Variants in ASAP1 observed in about 807,000 individuals in gnomAD.
The protein encoded by ASAP1 is ArfGAP with SH3 domain, ankyrin repeat and PH domain 1, also known as arf-GAP with SH3 domain, ANK repeat and PH domain-containing protein 1.
Under a neutral mutation model 145.2 loss-of-function variants are expected in ASAP1, and 43 were observed. The observed-to-expected ratio is 0.30, with a 90% CI of 0.23 to 0.38. The LOEUF is 0.38. Ranked by LOEUF, ASAP1 falls within the 10% of genes least tolerant of loss-of-function variation. The pLI, the probability that ASAP1 is intolerant of heterozygous loss-of-function variation, is 1.00. For synonymous variants in ASAP1, 546 were observed against 515.5 expected (o/e 1.06, Z -0.80); for missense variants, 1,018 against 1,355.3 (o/e 0.75, Z 3.91).
chr8:130,162,214 T>C (rs1313392487), intron 11 of ASAP1, among the ~76,000 whole-genome samples: 1 of 152,240 alleles, frequency 6.6e-6, no homozygotes, highest in Non-Finnish European at 1.5e-5. Flanking sequence ...ACTGAGGGAC[T>C]GTACTAAATA....
chr8:130,072,904 AC>A (rs1439629692), intron 27 of ASAP1, among the ~76,000 whole-genome samples: 1 of 149,172 alleles, frequency 6.7e-6, no homozygotes, highest in Non-Finnish European at 1.5e-5. Flanking sequence ...CAGTGTCGGA[AC>A]TGAATTCGAG....
At chr8:130,161,678 A>G (rs1215676772) in intron 11 of ASAP1, among the ~76,000 whole-genome samples, 1 of 152,238 alleles carries the variant, frequency 6.6e-6, no homozygotes, top group Non-Finnish European at 1.5e-5. Context: ...ATAACTGGCC[A>G]GATTCCCTCC....
intron 9 of ASAP1, among the ~76,000 whole-genome samples, chr8:130,169,593 A>G (rs1047610233): frequency 2.0e-5 from 3 of 152,258 alleles, no homozygotes; most frequent in Non-Finnish European, 2.9e-5. Flanking sequence ...ATTCAAAGCA[A>G]TAATACCAAC....
At chr8:130,207,554 C>T (rs1194284033) in intron 5 of ASAP1, among the ~76,000 whole-genome samples, 1 of 152,026 alleles carries the variant, frequency 6.6e-6, no homozygotes, top group Non-Finnish European at 1.5e-5. Flanking sequence ...TAAATGAACA[C>T]AAGGAGGGAT....
chr8:130,413,876 A>G (rs549174449), intron 1 of ASAP1, among the ~76,000 whole-genome samples: 33 of 149,604 alleles, frequency 2.2e-4, no homozygotes, highest in Non-Finnish European at 4.3e-4. Context: ...TGCATCTTCT[A>G]TTTTGCCAGA....
At chr8:130,265,292 C>T (rs940785981) in intron 3 of ASAP1, among the ~76,000 whole-genome samples, 7 of 152,092 alleles carry the variant, frequency 4.6e-5, no homozygotes, top group Non-Finnish European at 7.4e-5. Flanking sequence ...AAAGATTGGC[C>T]GGGTGTGGTG....
chr8:130,071,164 A>G (rs969539635), intron 27 of ASAP1, among the ~76,000 whole-genome samples: 5 of 152,124 alleles, frequency 3.3e-5, no homozygotes, highest in Non-Finnish European at 5.9e-5. Context: ...TTTTTTAGCT[A>G]TGGGGTCTCA....
At chr8:130,171,887 G>A (rs2136107083) in intron 9 of ASAP1, among the ~76,000 whole-genome samples, 1 of 152,312 alleles carries the variant, frequency 6.6e-6, no homozygotes, top group South Asian at 2.1e-4. Flanking sequence ...TGGGTACAAA[G>A]TTAATCATAG....
chr8:130,091,311 C>T (rs545612517), intron 25 of ASAP1, among the ~76,000 whole-genome samples: 16 of 152,164 alleles, frequency 1.1e-4, no homozygotes, highest in African/African-American at 3.4e-4. Context: ...GAGGAAGCTG[C>T]GTTGGAGGGC....
intron 2 of ASAP1, among the ~76,000 whole-genome samples, chr8:130,393,486 T>G (rs1004514918): frequency 1.3e-5 from 2 of 152,200 alleles, no homozygotes; most frequent in Admixed American, 1.3e-4. Context: ...CCAAGCACAG[T>G]GGCTCATGCC....
At chr8:130,181,688 G>A (rs1237785253) in intron 7 of ASAP1, among the ~76,000 whole-genome samples, 1 of 152,172 alleles carries the variant, frequency 6.6e-6, no homozygotes, top group Non-Finnish European at 1.5e-5. Flanking sequence ...CAGGGGAAAC[G>A]AGGTGATAAA....
At chr8:130,433,684 T>C (rs1247914823) in intron 1 of ASAP1, among the ~76,000 whole-genome samples, 1 of 152,252 alleles carries the variant, frequency 6.6e-6, no homozygotes, top group Non-Finnish European at 1.5e-5. Context: ...ATTCACTCTT[T>C]CATGCTTCTT....
At chr8:130,107,374 A>G (rs1205240104) in intron 24 of ASAP1, among the ~76,000 whole-genome samples, 1 of 151,360 alleles carries the variant, frequency 6.6e-6, no homozygotes, top group African/African-American at 2.4e-5. Flanking sequence ...TTTAGTAGAG[A>G]CAGGGTTTTA....
At chr8:130,224,856 T>C (rs573314825) in intron 4 of ASAP1, among the ~76,000 whole-genome samples, 2 of 152,358 alleles carry the variant, frequency 1.3e-5, no homozygotes, top group South Asian at 4.1e-4. Flanking sequence ...AAAGCAGGAC[T>C]GCTGGGGGAT....
rs139713743 is a variant in ASAP1 at position 130,378,856 on chromosome 8, C to T, written c.60-20713G>A. ...AATAAATGTGCACACATATAACATG[C>T]CATGATCTGGGCAACTCACAGTCAC... is the stretch of plus-strand genomic sequence containing the variant. On this transcript the variant is annotated intron_variant, in intron 2 of 29. Transcript: ENST00000518721. Among the ~76,000 whole-genome samples the T allele has an allele frequency of 6.4e-3, 982 of 152,274 alleles. 9 individuals are homozygous for T. Among genetic ancestry groups the T allele is most frequent in the African/African-American group, 0.023 (943 of 41,536 alleles).
chr8:130,095,324 G>A (rs1189526174), intron 24 of ASAP1, among the ~76,000 whole-genome samples: 1 of 113,936 alleles, frequency 8.8e-6, no homozygotes, highest in South Asian at 2.9e-4. Flanking sequence ...TTTTTGAGAC[G>A]CAGTTTCACT....
intron 1 of ASAP1, among the ~76,000 whole-genome samples, chr8:130,443,036 G>C (rs1830541229): frequency 6.6e-6 from 1 of 152,072 alleles, no homozygotes; most frequent in Admixed American, 6.5e-5. Flanking sequence ...GGGCCGCGGG[G>C]AACTTTCCTC....
At chr8:130,360,233 C>T (rs1431144657) in intron 2 of ASAP1, among the ~76,000 whole-genome samples, 5 of 152,192 alleles carry the variant, frequency 3.3e-5, no homozygotes, top group African/African-American at 1.2e-4. Flanking sequence ...TATAAAGAAT[C>T]TGCAGAGAAG....
At chr8:130,341,351 A>T (rs1029806897) in intron 3 of ASAP1, among the ~76,000 whole-genome samples, 4 of 152,168 alleles carry the variant, frequency 2.6e-5, no homozygotes, top group African/African-American at 9.6e-5. Context: ...GAGTTGACTT[A>T]ACCAAGCATC....
Sources: allele counts gnomAD v4.1 joint callset (sites outside exome capture counted in the v4.1 genomes callset), GRCh38; gene constraint gnomAD v4.1.1; transcripts MANE v1.5; gene names NCBI Gene and HGNC (gene_info 2026-07-23, HGNC 2026-07-21).